ANKRD11: variants seen among roughly 807,000 people sequenced by gnomAD.
The protein encoded by ANKRD11 is ankyrin repeat domain-containing protein 11.
A neutral mutation model predicts 195.7 loss-of-function variants in ANKRD11; 17 were observed. That is an observed-to-expected ratio of 0.09 (90% CI 0.06 to 0.13). The LOEUF (loss-of-function observed/expected upper bound fraction) is 0.13, where lower values mean the gene tolerates loss of function less well. Ranked by LOEUF, ANKRD11 falls within the 10% of genes least tolerant of loss-of-function variation. ANKRD11 has a pLI of 1.00. For synonymous variants in ANKRD11, 1,953 were observed against 1,528.1 expected (o/e 1.28, Z -6.49); for missense variants, 3,735 against 3,566.1 (o/e 1.05, Z -1.21).
At chr16:89,295,708 G>A (rs78493476) in intron 4 of ANKRD11, among the ~76,000 whole-genome samples, 1 of 152,162 alleles carries the variant, frequency 6.6e-6, no homozygotes, top group Admixed American at 6.5e-5. Flanking sequence ...AACGGCGGTG[G>A]CACCTGGCTC....
At chr16:89,378,725 G>A (rs1482668004) in intron 2 of ANKRD11, among the ~76,000 whole-genome samples, 8 of 152,208 alleles carry the variant, frequency 5.3e-5, no homozygotes, top group Admixed American at 4.6e-4. Flanking sequence ...GATTACAGGT[G>A]TGTGCCACCA....
At chr16:89,357,282 T>C (rs543600913) in intron 2 of ANKRD11, among the ~76,000 whole-genome samples, 2 of 151,854 alleles carry the variant, frequency 1.3e-5, no homozygotes, top group Non-Finnish European at 2.9e-5. Context: ...AGTCACACCA[T>C]GAAGGAAGGG....
chr16:89,401,560 C>A (rs1366342075), intron 2 of ANKRD11, among the ~76,000 whole-genome samples: 1 of 152,054 alleles, frequency 6.6e-6, no homozygotes, highest in African/African-American at 2.4e-5. Flanking sequence ...GGATTACAGG[C>A]GATTTTTACT....
At chr16:89,294,223 C>T (rs1323706374) in intron 4 of ANKRD11, among the ~76,000 whole-genome samples, 2 of 152,148 alleles carry the variant, frequency 1.3e-5, no homozygotes, top group East Asian at 1.9e-4. Flanking sequence ...GGGCTGGCTC[C>T]CAGCAATTCG....
At chr16:89,300,478 G>C in intron 4 of ANKRD11, 1 of 211,340 alleles carries the variant, frequency 4.7e-6, no homozygotes, top group Non-Finnish European at 9.5e-6. Flanking sequence ...CCTGGCCCCT[G>C]CTGCACTCTG....
In ANKRD11 at chr16:89,279,162, C is replaced by G. The variant is rs747332361; in HGVS notation, c.7380G>C (p.Pro2460=). Residue 2460 remains proline (P), a synonymous_variant, in exon 9 of 13, where the codon CCG becomes CCC. Coordinates refer to ENST00000301030, the MANE Select transcript of ANKRD11 (RefSeq NM_013275.6). The surrounding 1 kb of genome is among the most constrained non-coding windows in gnomAD (Gnocchi z 5.6). ...EKRKILCCIT[P]QAPQCYAEYV... ...ACTCGGCGTAGCACTGGGGCGCCTG[C>G]GGCGTGATACAGCACAGGATCTTGC... The G allele has an allele frequency of 6.2e-7, 1 of 1,613,190 alleles. No homozygotes were observed. Among genetic ancestry groups the G allele is most frequent in the African/African-American group, 1.3e-5 (1 of 74,890 alleles).
At chr16:89,474,161 C>T (rs1015610268) in intron 1 of ANKRD11, among the ~76,000 whole-genome samples, 9 of 152,280 alleles carry the variant, frequency 5.9e-5, no homozygotes, top group Admixed American at 1.3e-4. Context: ...CACCATCCCC[C>T]ACTCGAGCCT....
intron 2 of ANKRD11, among the ~76,000 whole-genome samples, chr16:89,330,737 C>T (rs2038021092): frequency 6.8e-6 from 1 of 146,460 alleles, no homozygotes; most frequent in Non-Finnish European, 1.5e-5. Flanking sequence ...ACTTCCACCT[C>T]ATCCTGTTCC....
Position 89,285,415 on chromosome 16 carries a change from T to G in ANKRD11, c.1127A>C (p.Lys376Thr). ...LLKKDYRKET[K>T]SNSFISIPKM... ...GGGTATAGAGATAAAACTATTGGATTTCGTTTCTTTTCTGTAGTCCTTTTT... is the reference window on the plus strand; with the variant it reads ...GGGTATAGAGATAAAACTATTGGATGTCGTTTCTTTTCTGTAGTCCTTTTT... The change falls in exon 9 of 13, where the codon AAA becomes ACA. Residue 376 changes from lysine (K) to threonine (T), a missense_variant. By Grantham distance (78) the Lys-to-Thr change is moderately conservative. Transcript: ENST00000301030. This position sits in a 1 kb window ranked among gnomAD's most constrained non-coding sequence, Gnocchi z 5.6. 6.2e-7 allele frequency: 1 copy of G among 1,614,076 alleles called. No homozygotes were observed. The highest frequency in any genetic ancestry group is 8.5e-7 in the Non-Finnish European group (1 of 1,180,014).
intron 3 of ANKRD11, among the ~76,000 whole-genome samples, 178 bp from the exon 4 acceptor site, chr16:89,305,522 G>A (rs1337707070): frequency 6.6e-6 from 1 of 152,092 alleles, no homozygotes; most frequent in African/African-American, 2.4e-5. Flanking sequence ...TCACCCAGAA[G>A]CCCGGGGTCG....
intron 7 of ANKRD11, chr16:89,287,258 G>A (rs917428410): frequency 4.1e-5 from 17 of 411,862 alleles, no homozygotes; most frequent in Non-Finnish European, 6.1e-5. Context: ...CCTGCTTCTG[G>A]CATCTCTCAG....
intron 2 of ANKRD11, among the ~76,000 whole-genome samples, chr16:89,339,592 C>G (rs1293734769): frequency 6.6e-6 from 1 of 152,196 alleles, no homozygotes; most frequent in Non-Finnish European, 1.5e-5. Context: ...AATTTCTACA[C>G]AGAAAATATT....
chr16:89,412,680 T>G (rs1420256044), intron 2 of ANKRD11: 1 of 152,008 alleles, frequency 6.6e-6, no homozygotes, highest in Non-Finnish European at 1.5e-5. Context: ...AGGCAAAATG[T>G]TTTTCACCCT....
At chr16:89,327,841 G>C (rs530002807) in intron 2 of ANKRD11, among the ~76,000 whole-genome samples, 1 of 152,266 alleles carries the variant, frequency 6.6e-6, no homozygotes, top group East Asian at 1.9e-4. Context: ...AGAGTTGTCA[G>C]ACATGGCAAC....
At position 89,280,148 on chromosome 16, in the gene ANKRD11, C is replaced by T. The variant is rs1026946696; in HGVS notation, c.6394G>A (p.Asp2132Asn). The T allele has an allele frequency of 6.2e-7, 1 of 1,611,356 alleles. No homozygotes were observed. Among genetic ancestry groups the T allele is most frequent in the Non-Finnish European group, 8.5e-7 (1 of 1,179,268 alleles). Reference protein sequence around the residue: ...DAFAGPEDDLDLGPFSLPELP... With the variant: ...DAFAGPEDDLNLGPFSLPELP... Reference sequence around the variant, plus strand: ...TCCGGCAGGGAGAAGGGCCCCAGGTCCAGGTCGTCCTCGGGGCCGGCGAAG... The same window carrying T: ...TCCGGCAGGGAGAAGGGCCCCAGGTTCAGGTCGTCCTCGGGGCCGGCGAAG... Residue 2132 changes from aspartate to asparagine, a missense_variant, in exon 9 of 13, where the codon GAC (aspartate) becomes AAC (asparagine). Physicochemically the swap from Asp to Asn is conservative, Grantham distance 23 (BLOSUM62 1). Transcript: ENST00000301030.
At chr16:89,357,433 G>A (rs1406303011) in intron 2 of ANKRD11, among the ~76,000 whole-genome samples, 3 of 151,972 alleles carry the variant, frequency 2.0e-5, no homozygotes, top group African/African-American at 7.3e-5. Flanking sequence ...ACATATAATG[G>A]TGCAACTGCC....
rs1597551527 is a variant in ANKRD11 at position 89,305,314 on chromosome 16, G to A, written c.118C>T (p.Pro40Ser). ...CCGCCATCGCCACGCTCCAGTTTTG[G>A]GGTCTTGGTTAGAGAAACTTTATCT... is the stretch of plus-strand genomic sequence containing the variant. ...DKDKVSLTKT[P>S]KLERGDGGKE... Residue 40 changes from proline (P) to serine (S), a missense_variant, in exon 4 of 13, where the codon CCA becomes TCA. By Grantham distance (74) the Pro-to-Ser change is moderately conservative. Transcript: ENST00000301030. The A allele has an allele frequency of 2.5e-6, 4 of 1,613,968 alleles. No individual in the cohort carries two copies. The highest frequency in any genetic ancestry group is 1.7e-6 in the Non-Finnish European group (2 of 1,179,902).
intron 2 of ANKRD11, among the ~76,000 whole-genome samples, chr16:89,322,523 G>A (rs1436089256): frequency 1.3e-5 from 2 of 152,240 alleles, no homozygotes; most frequent in Non-Finnish European, 2.9e-5. Context: ...GAGGAAGACA[G>A]GAAGTCAGCA....
intron 2 of ANKRD11, among the ~76,000 whole-genome samples, chr16:89,396,877 G>A (rs1388455249): frequency 6.6e-6 from 1 of 152,096 alleles, no homozygotes; most frequent in African/African-American, 2.4e-5. Flanking sequence ...AGTAAAGACG[G>A]GGTTTCACCA....
Sources: gnomAD v4.1 joint callset for allele counts (sites outside exome capture counted in the v4.1 genomes callset) on GRCh38, gnomAD v4.1.1 for gene constraint, Gnocchi (gnomAD v3.1) non-coding constraint, MANE v1.5 for transcripts, NCBI Gene and HGNC (gene_info 2026-07-23, HGNC 2026-07-21) for gene names.